TMEM117: variants seen among roughly 807,000 people sequenced by gnomAD.
TMEM117 encodes transmembrane protein 117.
A neutral mutation model predicts 52.4 loss-of-function variants in TMEM117; 27 were observed. The observed-to-expected ratio is 0.51, with a 90% CI of 0.38 to 0.71. TMEM117 has a LOEUF of 0.71. Ranked by LOEUF, TMEM117 falls within the 30% of genes least tolerant of loss-of-function variation. The pLI, the probability that TMEM117 is intolerant of heterozygous loss-of-function variation, is 0.00. For missense variants in TMEM117, 556 were observed against 630.5 expected, an observed-to-expected ratio of 0.88 and a Z score of 1.26; for synonymous variants, 215 against 206.3, an observed-to-expected ratio of 1.04 and a Z score of -0.36.
chr12:44,211,760 A>G lies in TMEM117; in HGVS notation c.608+373A>G, dbSNP rs941996341. 5.3e-5 allele frequency among the ~76,000 whole-genome samples: 8 copies of G among 152,314 alleles called. No homozygotes were observed. In the South Asian group the frequency reaches 1.2e-3, roughly 24 times the overall value. ...GGATATGATTTTGCTCTGAGAAGTG[A>G]TAAAGAAAAGGAACCTCTTTATAAA... On this transcript the variant is annotated intron_variant, in intron 5 of 7. Transcript: ENST00000266534.
chr12:44,071,463 A>G (rs1163999509), intron 3 of TMEM117, among the ~76,000 whole-genome samples: 1 of 152,238 alleles, frequency 6.6e-6, no homozygotes, highest in Non-Finnish European at 1.5e-5. Context: ...ATTTTAACCT[A>G]TGAAGCTGCA....
At chr12:44,220,101 A>T (rs1313571638) in intron 5 of TMEM117, among the ~76,000 whole-genome samples, 3 of 152,202 alleles carry the variant, frequency 2.0e-5, no homozygotes, top group African/African-American at 7.2e-5. Flanking sequence ...AAAAAAAGAT[A>T]CTAATGTAGG....
chr12:44,063,167 A>C (rs1042247490), intron 3 of TMEM117, among the ~76,000 whole-genome samples: 1 of 152,178 alleles, frequency 6.6e-6, no homozygotes, highest in African/African-American at 2.4e-5. Context: ...AGAATCTTTT[A>C]TCATCTTCTT....
chr12:44,151,112 A>T (rs1277979785), intron 4 of TMEM117, among the ~76,000 whole-genome samples: 1 of 152,164 alleles, frequency 6.6e-6, no homozygotes, highest in South Asian at 2.1e-4. Context: ...ATTGAACTAC[A>T]TTAAGATATG....
At chr12:43,808,965 T>A in the TMEM117 span, among the ~76,000 whole-genome samples, 2 of 149,758 alleles carry the variant, frequency 1.3e-5, no homozygotes, top group South Asian at 4.2e-4. Flanking sequence ...CTATTTCAAT[T>A]ATGTAGGAAA....
intron 3 of TMEM117, among the ~76,000 whole-genome samples, chr12:44,135,567 T>G (rs971942664): frequency 6.6e-6 from 1 of 151,888 alleles, no homozygotes; most frequent in Non-Finnish European, 1.5e-5. Flanking sequence ...TGGGAAATAG[T>G]GTTGAGTAGC....
intron 5 of TMEM117, among the ~76,000 whole-genome samples, chr12:44,258,784 G>A (rs1950289418): frequency 6.6e-6 from 1 of 152,074 alleles, no homozygotes; most frequent in South Asian, 2.1e-4. Context: ...GCTGTGTCCA[G>A]AGACTGCTGG....
intron 5 of TMEM117, among the ~76,000 whole-genome samples, chr12:44,259,134 C>T (rs1950293402): frequency 6.6e-6 from 1 of 152,122 alleles, no homozygotes. Context: ...TCTTACTAAA[C>T]TGCATAGGAG....
intron 3 of TMEM117, among the ~76,000 whole-genome samples, chr12:44,135,772 G>A (rs1948481382): frequency 6.6e-6 from 1 of 152,072 alleles, no homozygotes; most frequent in Admixed American, 6.5e-5. Flanking sequence ...TATATACAGT[G>A]GACAAATTAT....
At chr12:44,335,245 T>C (rs1182211882) in intron 6 of TMEM117, among the ~76,000 whole-genome samples, 2 of 151,900 alleles carry the variant, frequency 1.3e-5, no homozygotes, top group South Asian at 4.1e-4. Context: ...AAAGGTGGGG[T>C]CAGAAATATG....
At chr12:44,298,245 A>G (rs532303326) in intron 5 of TMEM117, among the ~76,000 whole-genome samples, 2 of 150,932 alleles carry the variant, frequency 1.3e-5, no homozygotes, top group South Asian at 2.1e-4. Flanking sequence ...ATATTATTTT[A>G]TATGAGTTTC....
chr12:44,215,213 A>T (rs1050927788), intron 5 of TMEM117, among the ~76,000 whole-genome samples: 1 of 152,222 alleles, frequency 6.6e-6, no homozygotes, highest in Non-Finnish European at 1.5e-5. Context: ...GTTCTAGTAA[A>T]CATATCTCTT....
intron 4 of TMEM117, among the ~76,000 whole-genome samples, chr12:44,154,020 A>G (rs1033765181): frequency 2.6e-5 from 4 of 152,104 alleles, no homozygotes; most frequent in Admixed American, 6.6e-5. Context: ...AAAGCTGATT[A>G]GGAAATAAAT....
At chr12:43,910,497 C>T (rs1565746486) in intron 2 of TMEM117, among the ~76,000 whole-genome samples, 1 of 140,662 alleles carries the variant, frequency 7.1e-6, no homozygotes, top group Non-Finnish European at 1.5e-5. Flanking sequence ...CTGGCCAGGG[C>T]AATTAGGCAG....
chr12:43,827,476 T>C, the TMEM117 span, among the ~76,000 whole-genome samples: 6 of 152,290 alleles, frequency 3.9e-5, no homozygotes, highest in African/African-American at 7.2e-5. Context: ...CCTCAGCAGA[T>C]AGAAGCAAAA....
chr12:43,807,322 C>A, the TMEM117 span, among the ~76,000 whole-genome samples: 1 of 152,130 alleles, frequency 6.6e-6, no homozygotes, highest in East Asian at 1.9e-4. Flanking sequence ...GATGAACAGG[C>A]CTGCAATTGT....
At chr12:44,116,258 A>G (rs1222275412) in intron 3 of TMEM117, among the ~76,000 whole-genome samples, 1 of 152,006 alleles carries the variant, frequency 6.6e-6, no homozygotes, top group Non-Finnish European at 1.5e-5. Context: ...ATGTGTTCTC[A>G]TTTCTCTGAA....
intron 2 of TMEM117, among the ~76,000 whole-genome samples, chr12:43,941,945 A>T (rs565831760): frequency 4.7e-4 from 71 of 152,252 alleles, no homozygotes; most frequent in African/African-American, 1.6e-3. Flanking sequence ...TTATTATTTG[A>T]CTCTTAACAT....
chr12:43,932,597 A>G (rs1305028660), intron 2 of TMEM117, among the ~76,000 whole-genome samples: 4 of 152,190 alleles, frequency 2.6e-5, no homozygotes, highest in South Asian at 2.1e-4. Flanking sequence ...TTGTGTGACT[A>G]TTGGTGGGTT....
Sources: allele counts gnomAD v4.1 joint callset (sites outside exome capture counted in the v4.1 genomes callset), GRCh38; gene constraint gnomAD v4.1.1; transcripts MANE v1.5; gene names NCBI Gene and HGNC (gene_info 2026-07-23, HGNC 2026-07-21).